EYA1: variants seen among roughly 807,000 people sequenced by gnomAD.
The protein encoded by EYA1 is protein phosphatase EYA1.
In EYA1, 16 loss-of-function variants were observed where a neutral mutation model predicts 82.0. That is an observed-to-expected ratio of 0.20 (90% CI 0.13 to 0.30). EYA1 has a LOEUF of 0.30. Among genes scored for constraint, EYA1 ranks in the 10% least tolerant of loss-of-function variants. EYA1 has a pLI of 1.00. For missense variants in EYA1, 633 were observed against 730.7 expected (o/e 0.87, Z 1.54); for synonymous variants, 261 against 264.4 (o/e 0.99, Z 0.12).
At chr8:71,527,021 CATAA>C (rs1360038813) in intron 2 of EYA1, among the ~76,000 whole-genome samples, 2 of 152,062 alleles carry the variant, frequency 1.3e-5, no homozygotes, top group African/African-American at 4.8e-5. Flanking sequence ...TGATACTATA[CATAA>C]ATAAAATTAT....
intron 12 of EYA1, among the ~76,000 whole-genome samples, chr8:71,238,797 T>A (rs1262383861): frequency 6.6e-6 from 1 of 152,080 alleles, no homozygotes; most frequent in Non-Finnish European, 1.5e-5. Flanking sequence ...TGTGTCTTAT[T>A]GTACTGTCCA....
intron 7 of EYA1, among the ~76,000 whole-genome samples, chr8:71,308,102 A>G (rs961106877): frequency 6.6e-5 from 10 of 152,158 alleles, no homozygotes; most frequent in African/African-American, 1.7e-4. Context: ...TAAGGTGACC[A>G]TTATCTCTGG....
intron 12 of EYA1, among the ~76,000 whole-genome samples, chr8:71,237,494 A>C (rs1811987091): frequency 6.6e-6 from 1 of 151,904 alleles, no homozygotes; most frequent in African/African-American, 2.4e-5. Context: ...CTTTAATATT[A>C]TCTGTGGCTT....
intron 2 of EYA1, among the ~76,000 whole-genome samples, chr8:71,518,756 C>T (rs1813172652): frequency 6.6e-6 from 1 of 152,130 alleles, no homozygotes; most frequent in Non-Finnish European, 1.5e-5. Flanking sequence ...TCATTGCATA[C>T]TTCACCAATT....
chr8:71,424,352 G>T (rs535076360), intron 2 of EYA1, among the ~76,000 whole-genome samples: 1 of 152,316 alleles, frequency 6.6e-6, no homozygotes, highest in African/African-American at 2.4e-5. Context: ...AGTGTATAAA[G>T]TATGTAAGAA....
At chr8:71,385,393 C>G (rs1242540122) in intron 2 of EYA1, among the ~76,000 whole-genome samples, 3 of 151,636 alleles carry the variant, frequency 2.0e-5, no homozygotes, top group Admixed American at 6.6e-5. Flanking sequence ...TGAGCCACCA[C>G]GTAAAACAAA....
At chr8:71,269,995 G>C (rs1816321822) in intron 10 of EYA1, among the ~76,000 whole-genome samples, 172 bp from the exon 11 acceptor site, 1 of 152,138 alleles carries the variant, frequency 6.6e-6, no homozygotes, top group South Asian at 2.1e-4. Flanking sequence ...CTTTTCTCCA[G>C]ATATAACTTT....
chr8:71,212,382 A>C (rs1808619461), intron 16 of EYA1, among the ~76,000 whole-genome samples: 1 of 152,240 alleles, frequency 6.6e-6, no homozygotes, highest in Non-Finnish European at 1.5e-5. Context: ...TAAGAAGCAA[A>C]TGCAAAGTAT....
chr8:71,315,584 G>C (rs962226517), intron 7 of EYA1, among the ~76,000 whole-genome samples: 2 of 152,204 alleles, frequency 1.3e-5, no homozygotes, highest in African/African-American at 4.8e-5. Context: ...CTTGTCTACT[G>C]TCTCTCTCTT....
At chr8:71,252,842 C>A (rs1037910883) in intron 11 of EYA1, among the ~76,000 whole-genome samples, 40 of 152,160 alleles carry the variant, frequency 2.6e-4, no homozygotes, top group African/African-American at 9.7e-4. Context: ...GTCACATATA[C>A]CTTTCTGCTT....
At chr8:71,345,764 C>T (rs2129057562) in intron 3 of EYA1, among the ~76,000 whole-genome samples, 1 of 152,258 alleles carries the variant, frequency 6.6e-6, no homozygotes, top group Non-Finnish European at 1.5e-5. Flanking sequence ...CCTGGGGTCC[C>T]TTCTTAGTGC....
intron 1 of EYA1, 98 bp downstream of exon 1, chr8:71,361,539 GAAAACAAATC>G: frequency 6.1e-6 from 3 of 493,082 alleles, no homozygotes; most frequent in Non-Finnish European, 7.9e-6. Context: ...GTTTTTCTTT[GAAAACAAATC>G]AAAACAATAA....
chr8:71,217,916 C>T (rs1480258187), intron 12 of EYA1, among the ~76,000 whole-genome samples: 1 of 152,124 alleles, frequency 6.6e-6, no homozygotes, highest in East Asian at 1.9e-4. Context: ...ATATCTTAAC[C>T]ACCGTATCCC....
rs533024392 is a variant in EYA1, at chr8:71,480,122, T to C, written c.33+55622A>G. Reference sequence around the variant, plus strand: ...AAGAAAGAAAAAAATCCCTGGTGCTTTACTCCTAAAGTTTATCCATAACGT... The same window carrying C: ...AAGAAAGAAAAAAATCCCTGGTGCTCTACTCCTAAAGTTTATCCATAACGT... On this transcript the variant is annotated intron_variant, in intron 2 of 18. Coordinates refer to the EYA1 transcript ENST00000643681. Among the ~76,000 whole-genome samples the C allele has an allele frequency of 8.5e-5, 13 of 152,330 alleles. No individual in the cohort carries two copies. The South Asian group carries it at 2.5e-3, about 29-fold the overall frequency.
chr8:71,442,549 C>G (rs1005605302), intron 2 of EYA1, among the ~76,000 whole-genome samples: 8 of 152,168 alleles, frequency 5.3e-5, no homozygotes, highest in African/African-American at 7.2e-5. Flanking sequence ...AATTAACAGA[C>G]AGTTGTATTG....
At chr8:71,397,376 C>T (rs1297341167) in intron 2 of EYA1, among the ~76,000 whole-genome samples, 1 of 152,188 alleles carries the variant, frequency 6.6e-6, no homozygotes. Context: ...GCAGTTTCTT[C>T]CTAGCATCGA....
intron 2 of EYA1, among the ~76,000 whole-genome samples, chr8:71,450,990 T>G (rs1807319681): frequency 6.6e-6 from 1 of 152,200 alleles, no homozygotes; most frequent in African/African-American, 2.4e-5. Context: ...CGAATAAACA[T>G]TCATTCACAT....
At chr8:71,363,924 G>A (rs1170159645), upstream of EYA1, among the ~76,000 whole-genome samples, 1 of 151,948 alleles carries the variant, frequency 6.6e-6, no homozygotes, top group Admixed American at 6.6e-5. Context: ...AGATTATATT[G>A]ACAAATCCAG....
intron 12 of EYA1, among the ~76,000 whole-genome samples, chr8:71,218,822 T>A (rs1809530865): frequency 6.6e-6 from 1 of 151,018 alleles, no homozygotes. Context: ...GTGGTTAGCG[T>A]TGGGGGTGGG....
Sources: gnomAD v4.1 joint callset for allele counts (sites outside exome capture counted in the v4.1 genomes callset) on GRCh38, gnomAD v4.1.1 for gene constraint, MANE v1.5 for transcripts, NCBI Gene and HGNC (gene_info 2026-07-23, HGNC 2026-07-21) for gene names.